LRP1B: variants seen among roughly 807,000 people sequenced by gnomAD.
LRP1B encodes low-density lipoprotein receptor-related protein 1B.
LRP1B carries 217 observed loss-of-function variants against 556.6 expected under a neutral mutation model. The ratio of observed to expected loss-of-function variants is 0.39; its 90% CI spans 0.35 to 0.44. The LOEUF (loss-of-function observed/expected upper bound fraction) is 0.44. Among genes scored for constraint, LRP1B ranks in the 20% least tolerant of loss-of-function variants. LRP1B has a pLI of 1.00. For synonymous variants in LRP1B, 2,047 were observed against 1,865.8 expected (o/e 1.10, Z -2.50); for missense variants, 5,053 against 5,620.8 (o/e 0.90, Z 3.23).
intron 3 of LRP1B, among the ~76,000 whole-genome samples, chr2:141,398,333 C>T (rs1054254114): frequency 6.6e-6 from 1 of 151,916 alleles, no homozygotes; most frequent in Non-Finnish European, 1.5e-5. Flanking sequence ...GAAAAAAAGA[C>T]CAAAAAATAT....
intron 47 of LRP1B, among the ~76,000 whole-genome samples, chr2:140,531,790 G>C (rs991454626): frequency 6.6e-6 from 1 of 151,918 alleles, no homozygotes; most frequent in Non-Finnish European, 1.5e-5. Context: ...TCTACTATTG[G>C]CCAAATATGA....
intron 28 of LRP1B, among the ~76,000 whole-genome samples, chr2:140,851,127 A>G (rs1349506077): frequency 6.6e-6 from 1 of 152,156 alleles, no homozygotes; most frequent in African/African-American, 2.4e-5. Flanking sequence ...TATTCACAAA[A>G]TTTATCTTTT....
rs190895742 is a variant in LRP1B at position 141,059,496 on chromosome 2, C to T, written c.1237-442G>A. 5.3e-3 allele frequency among the ~76,000 whole-genome samples: 803 copies of T among 151,814 alleles called. 6 individuals carry two copies. Among genetic ancestry groups the T allele is most frequent in the South Asian group, 9.1e-3 (44 of 4,824 alleles). On this transcript the variant is annotated intron_variant, in intron 8 of 90. Coordinates refer to ENST00000389484, the MANE Select transcript of LRP1B (RefSeq NM_018557.3). ...GAAAAGACTAATGAGAAAGCACCTC[C>T]GAAGATTTGTTTTATAAATTCAAAA... is the stretch of plus-strand genomic sequence containing the variant.
In LRP1B at chr2:140,365,346, C is replaced by T. The variant is rs548551117; in HGVS notation, c.11009-563G>A. Reference sequence around the variant, plus strand: ...GGGTTCTTTTTAAATAAAAGTTGTGCAGTAAAGCATTATTTTTTGGATTGT... The same window carrying T: ...GGGTTCTTTTTAAATAAAAGTTGTGTAGTAAAGCATTATTTTTTGGATTGT... On this transcript the variant is annotated intron_variant, in intron 71 of 90. Transcript: ENST00000389484. Among the ~76,000 whole-genome samples the T allele has an allele frequency of 4.6e-5, 7 of 151,704 alleles. No individual in the cohort carries two copies. In the South Asian group the frequency reaches 1.5e-3, roughly 31 times the overall value.
intron 32 of LRP1B, among the ~76,000 whole-genome samples, chr2:140,795,156 TA>T (rs1464277276): frequency 6.6e-6 from 1 of 152,204 alleles, no homozygotes; most frequent in African/African-American, 2.4e-5. Context: ...AGCCTTCTTG[TA>T]AAGGTTCTGT....
intron 3 of LRP1B, among the ~76,000 whole-genome samples, chr2:141,380,943 T>A (rs1689616647): frequency 6.6e-6 from 1 of 152,150 alleles, no homozygotes; most frequent in Non-Finnish European, 1.5e-5. Context: ...TCCTGTCTTA[T>A]ATAAACCAAT....
chr2:141,145,449 G>T (rs1161008413), intron 7 of LRP1B, among the ~76,000 whole-genome samples: 1 of 151,890 alleles, frequency 6.6e-6, no homozygotes, highest in South Asian at 2.1e-4. Context: ...GACACATAAA[G>T]CTCTGTGGAG....
intron 1 of LRP1B, among the ~76,000 whole-genome samples, chr2:142,018,004 C>A (rs1375494274): frequency 6.7e-6 from 1 of 148,416 alleles, no homozygotes; most frequent in Non-Finnish European, 1.5e-5. Context: ...TACCTACAAA[C>A]CATGAACACA....
At chr2:140,470,472 C>T (rs1377591063) in intron 60 of LRP1B, among the ~76,000 whole-genome samples, 3 of 151,432 alleles carry the variant, frequency 2.0e-5, no homozygotes, top group East Asian at 2.0e-4. Context: ...GGTGAAACCC[C>T]GTCTCTCCTA....
intron 66 of LRP1B, among the ~76,000 whole-genome samples, chr2:140,431,184 C>G (rs1327359163): frequency 6.6e-6 from 1 of 152,138 alleles, no homozygotes; most frequent in Non-Finnish European, 1.5e-5. Flanking sequence ...TTACGGTCCT[C>G]AGTCTTCAGG....
intron 83 of LRP1B, among the ~76,000 whole-genome samples, chr2:140,304,127 C>T (rs1683962274): frequency 6.6e-6 from 1 of 152,130 alleles, no homozygotes; most frequent in South Asian, 2.1e-4. Context: ...CGTACGTGTC[C>T]ATGTGTCTTT....
intron 82 of LRP1B, among the ~76,000 whole-genome samples, chr2:140,319,934 C>G (rs904849604): frequency 2.0e-5 from 3 of 152,136 alleles, no homozygotes; most frequent in Non-Finnish European, 2.9e-5. Context: ...ACACTTAGCT[C>G]TCTGTTACAA....
intron 83 of LRP1B, 117 bp from the exon 84 acceptor site, chr2:140,298,086 A>T: frequency 1.2e-6 from 1 of 863,096 alleles, no homozygotes; most frequent in South Asian, 2.3e-5. Context: ...TCTGTCCATG[A>T]TTTACTCTGT....
intron 66 of LRP1B, among the ~76,000 whole-genome samples, chr2:140,391,073 G>A (rs973050814): frequency 6.6e-6 from 1 of 151,974 alleles, no homozygotes; most frequent in African/African-American, 2.4e-5. Context: ...TAATTTGTAT[G>A]AGACATGTTA....
At chr2:141,427,025 A>G in intron 3 of LRP1B, among the ~76,000 whole-genome samples, 1 of 152,050 alleles carries the variant, frequency 6.6e-6, no homozygotes, top group South Asian at 2.1e-4. Flanking sequence ...TCCCACCCCT[A>G]GCCCTCCACC....
chr2:140,790,030 A>G (rs1397623243), intron 32 of LRP1B, among the ~76,000 whole-genome samples: 2 of 152,050 alleles, frequency 1.3e-5, no homozygotes, highest in Admixed American at 6.6e-5. Flanking sequence ...CTCAAATAGC[A>G]TCTTCTCAGG....
chr2:140,622,531 G>A (rs1209776347), intron 41 of LRP1B, among the ~76,000 whole-genome samples: 1 of 152,130 alleles, frequency 6.6e-6, no homozygotes, highest in African/African-American at 2.4e-5. Flanking sequence ...AGTATTCAAC[G>A]GCTGAGGTGA....
chr2:141,055,189 G>C lies in LRP1B; in HGVS notation c.1479C>G (p.Ser493Arg), dbSNP rs2105455932. The C allele has an allele frequency of 6.2e-7, 1 of 1,612,422 alleles. No homozygotes were observed. Among genetic ancestry groups the C allele is most frequent in the South Asian group, 1.1e-5 (1 of 91,020 alleles). ...PGGCSHICLL[S>R]SSYKTRTCRC... ...GACAAGTCCGAGTTTTGTAACTGCT[G>C]CTGAGTAGACAGATGTGTGAACAGC... is the stretch of plus-strand genomic sequence containing the variant. The change falls in exon 10 of 91, where the codon AGC (serine) becomes AGG (arginine). Residue 493 changes from serine (S) to arginine (R), a missense_variant. By Grantham distance (110) the Ser-to-Arg change is moderately radical (BLOSUM62 -1). Coordinates refer to ENST00000389484, the MANE Select transcript of LRP1B (RefSeq NM_018557.3).
At chr2:140,642,847 AAAACAAACAAAC>A (rs200226632) in intron 41 of LRP1B, among the ~76,000 whole-genome samples, 1 of 152,068 alleles carries the variant, frequency 6.6e-6, no homozygotes, top group Admixed American at 6.5e-5. Flanking sequence ...CTGTCTCAGA[AAAACAAACAAAC>A]AAACAAACAA....
Sources: gnomAD v4.1 joint callset for allele counts (sites outside exome capture counted in the v4.1 genomes callset) on GRCh38, gnomAD v4.1.1 for gene constraint, MANE v1.5 for transcripts, NCBI Gene and HGNC (gene_info 2026-07-23, HGNC 2026-07-21) for gene names.